The following KCNIP4 variants were observed in gnomAD, a reference collection of about 807,000 sequenced individuals.
KCNIP4 encodes Kv channel-interacting protein 4.
In KCNIP4, 12 loss-of-function variants were observed where a neutral mutation model predicts 34.0. The ratio of observed to expected loss-of-function variants is 0.35; its 90% confidence interval spans 0.23 to 0.57. The LOEUF (loss-of-function observed/expected upper bound fraction) is 0.57. Ranked by LOEUF, KCNIP4 falls within the 20% of genes least tolerant of loss-of-function variation. The pLI, the probability that KCNIP4 is intolerant of heterozygous loss-of-function variation, is 0.83. For synonymous variants in KCNIP4, 124 were observed against 102.2 expected (o/e 1.21, Z -1.29); for missense variants, 238 against 311.7 (o/e 0.76, Z 1.78).
At chr4:20,857,644 T>C (rs1240432264) in intron 2 of KCNIP4, among the ~76,000 whole-genome samples, 1 of 144,392 alleles carries the variant, frequency 6.9e-6, no homozygotes, top group East Asian at 1.9e-4. Context: ...AGGTCTTTGA[T>C]GCCACAGCTT....
intron 1 of KCNIP4, among the ~76,000 whole-genome samples, chr4:21,839,078 C>G (rs1431571999): frequency 6.6e-6 from 1 of 152,050 alleles, no homozygotes; most frequent in Non-Finnish European, 1.5e-5. Context: ...CAAGTTTGAT[C>G]AAGATAAACA....
At chr4:21,453,968 G>T (rs1560421040) in intron 1 of KCNIP4, among the ~76,000 whole-genome samples, 2 of 152,038 alleles carry the variant, frequency 1.3e-5, no homozygotes, top group South Asian at 4.1e-4. Flanking sequence ...TCTGAGGCTT[G>T]TTGGGAGCAT....
chr4:21,395,815 A>G (rs2322940), intron 1 of KCNIP4, among the ~76,000 whole-genome samples: 116,939 of 151,978 alleles, frequency 0.77, 46,534 homozygotes, highest in Non-Finnish European at 0.89. Context: ...AATCTTCAAA[A>G]CAACTATAAT....
chr4:21,511,925 GGCT>G (rs1342748930), intron 1 of KCNIP4, among the ~76,000 whole-genome samples: 1 of 151,864 alleles, frequency 6.6e-6, no homozygotes, highest in African/African-American at 2.4e-5. Context: ...CCAGCATAAT[GGCT>G]GACACAGGCT....
At chr4:20,986,594 G>A (rs990311902) in intron 1 of KCNIP4, among the ~76,000 whole-genome samples, 13 of 152,064 alleles carry the variant, frequency 8.5e-5, no homozygotes, top group African/African-American at 2.7e-4. Context: ...ACTGAGAGGG[G>A]GTCACATGGT....
intron 1 of KCNIP4, among the ~76,000 whole-genome samples, chr4:21,944,310 G>T (rs4467547): frequency 0.29 from 44,011 of 151,770 alleles, 7,820 homozygotes; most frequent in Non-Finnish European, 0.4. Context: ...TTGGGAGGCC[G>T]AGGCAGGAGG....
intron 3 of KCNIP4, 129 bp downstream of exon 3, chr4:20,850,414 G>C: frequency 9.4e-6 from 9 of 959,300 alleles, no homozygotes; most frequent in Non-Finnish European, 1.4e-5. Context: ...TTCCTATCTG[G>C]GAAGGATCAG....
chr4:20,776,250 T>C (rs1469468335), intron 3 of KCNIP4, among the ~76,000 whole-genome samples: 1 of 152,230 alleles, frequency 6.6e-6, no homozygotes, highest in African/African-American at 2.4e-5. Flanking sequence ...TTTTATGTTT[T>C]TGCCCCGTAA....
At position 21,556,227 on chromosome 4, in the gene KCNIP4, CATG is replaced by C. The variant is rs560318600; in HGVS notation, c.61+392341_61+392343del. Among the ~76,000 whole-genome samples the C allele has an allele frequency of 7.7e-4, 117 of 152,166 alleles. 3 individuals carry two copies. The South Asian group carries it at 0.023, about 31-fold the overall frequency. ...GCAATTTAGGGATAATTATAACAAT[CATG>C]ATAATTGGTGACCATTTTTAAATAT... On this transcript the variant is annotated intron_variant, in intron 1 of 8. Coordinates refer to ENST00000382152, the MANE Select transcript of KCNIP4 (RefSeq NM_025221.6).
chr4:21,418,806 G>GT (rs1725189211), intron 1 of KCNIP4, among the ~76,000 whole-genome samples: 1 of 152,104 alleles, frequency 6.6e-6, no homozygotes, highest in Non-Finnish European at 1.5e-5. Flanking sequence ...GGGTGCTGAT[G>GT]TTCTTTGCTC....
chr4:21,452,941 T>G (rs759096106), intron 1 of KCNIP4, among the ~76,000 whole-genome samples: 1 of 152,162 alleles, frequency 6.6e-6, no homozygotes, highest in Non-Finnish European at 1.5e-5. Flanking sequence ...CCTGTTTCAT[T>G]CTGCATATAT....
chr4:20,835,999 C>T (rs572171857), intron 3 of KCNIP4, among the ~76,000 whole-genome samples: 17 of 152,318 alleles, frequency 1.1e-4, no homozygotes, highest in African/African-American at 3.8e-4. Flanking sequence ...CATAACTTGG[C>T]TAGTTTACTG....
intron 1 of KCNIP4, among the ~76,000 whole-genome samples, chr4:21,919,181 T>G (rs1237118008): frequency 1.3e-5 from 2 of 152,320 alleles, no homozygotes; most frequent in East Asian, 3.9e-4. Flanking sequence ...TGCTGCAGAT[T>G]GTAGACTATA....
chr4:20,975,160 A>C (rs2149682920), intron 1 of KCNIP4, among the ~76,000 whole-genome samples: 1 of 152,334 alleles, frequency 6.6e-6, no homozygotes, highest in South Asian at 2.1e-4. Flanking sequence ...CACTTCAAAG[A>C]CCATGATCTT....
At chr4:20,989,084 A>C (rs1473564656) in intron 1 of KCNIP4, among the ~76,000 whole-genome samples, 1 of 152,162 alleles carries the variant, frequency 6.6e-6, no homozygotes, top group Non-Finnish European at 1.5e-5. Flanking sequence ...TAGGATGATT[A>C]TATAAGTCCC....
At chr4:21,314,404 T>G (rs1313744126) in intron 1 of KCNIP4, among the ~76,000 whole-genome samples, 1 of 152,140 alleles carries the variant, frequency 6.6e-6, no homozygotes, top group Non-Finnish European at 1.5e-5. Flanking sequence ...AATTCACACT[T>G]GAAGGAAAGG....
intron 2 of KCNIP4, among the ~76,000 whole-genome samples, chr4:20,860,477 T>C (rs1560522212): frequency 6.6e-6 from 1 of 152,170 alleles, no homozygotes; most frequent in East Asian, 1.9e-4. Flanking sequence ...TAAAAATAAA[T>C]GTATCCATTT....
intron 1 of KCNIP4, among the ~76,000 whole-genome samples, chr4:21,838,964 G>C (rs1210676584): frequency 6.6e-6 from 1 of 152,084 alleles, no homozygotes; most frequent in African/African-American, 2.4e-5. Flanking sequence ...AAATAGTCCA[G>C]TTACTTAAAA....
chr4:21,500,464 A>G (rs934461137), intron 1 of KCNIP4, among the ~76,000 whole-genome samples: 3 of 152,182 alleles, frequency 2.0e-5, no homozygotes, highest in Admixed American at 2.0e-4. Context: ...ATTAACAAGT[A>G]TCTTTGCCAC....
Sources: gnomAD v4.1 joint callset for allele counts (sites outside exome capture counted in the v4.1 genomes callset) on GRCh38, gnomAD v4.1.1 for gene constraint, MANE v1.5 for transcripts, NCBI Gene and HGNC (gene_info 2026-07-23, HGNC 2026-07-21) for gene names.